SHISA9: variants seen among roughly 807,000 people sequenced by gnomAD.
The protein encoded by SHISA9 is protein shisa-9.
Under a neutral mutation model 38.0 loss-of-function variants are expected in SHISA9, and 13 were observed. The ratio of observed to expected loss-of-function variants is 0.34; its 90% CI spans 0.22 to 0.54. The LOEUF (loss-of-function observed/expected upper bound fraction) is 0.54, where lower values mean the gene tolerates loss of function less well. SHISA9 is among the 20% of genes least tolerant of loss of function. The pLI, the probability that SHISA9 is intolerant of heterozygous loss-of-function variation, is 0.91. For missense variants in SHISA9, 538 were observed against 575.8 expected (o/e 0.93, Z 0.67); for synonymous variants, 275 against 242.0 (o/e 1.14, Z -1.27).
the SHISA9 span, among the ~76,000 whole-genome samples, chr16:13,400,177 G>A: frequency 1.3e-5 from 2 of 152,214 alleles, no homozygotes; most frequent in Non-Finnish European, 1.5e-5. Flanking sequence ...ACAGTGGACA[G>A]GAAACTGGGG....
the SHISA9 span, among the ~76,000 whole-genome samples, chr16:13,317,983 T>A: frequency 1.5e-5 from 2 of 136,658 alleles, no homozygotes; most frequent in African/African-American, 5.9e-5. Context: ...TCCATAGTCA[T>A]CCTTCAAATG....
Position 13,100,999 on chromosome 16 carries a change from G to A in SHISA9, c.692-102395G>A, listed in dbSNP as rs189595648. On this transcript the variant is annotated intron_variant, in intron 2 of 4. Transcript: ENST00000558583. ...GCTTGAGCCACTGTGCTCACCCCGA[G>A]TTTGGCTATTTTAGATTCCATATCT... Among the ~76,000 whole-genome samples the A allele has an allele frequency of 4.6e-5, 7 of 152,330 alleles. No homozygotes were observed. The East Asian group carries it at 1.4e-3, about 29-fold the overall frequency.
Position 12,902,420 on chromosome 16 carries a change from C to T in SHISA9, c.356C>T (p.Thr119Ile). ...TFKKRRLNQS[T>I]CTNYDTPLWL... Reference sequence around the variant, plus strand: ...AAGAAGCGGCGACTGAACCAAAGCACCTGCACCAACTACGACACGCCGCTC... The same window carrying T: ...AAGAAGCGGCGACTGAACCAAAGCATCTGCACCAACTACGACACGCCGCTC... The change falls in exon 1 of 5, where the codon ACC (threonine) becomes ATC (isoleucine). Residue 119 changes from threonine to isoleucine, a missense_variant. Coordinates refer to ENST00000558583, the MANE Select transcript of SHISA9 (RefSeq NM_001145204.3). 3 of 1,551,282 alleles carry T rather than the reference C, an allele frequency of 1.9e-6. No individual in the cohort carries two copies. Among genetic ancestry groups the T allele is most frequent in the Non-Finnish European group, 2.6e-6 (3 of 1,146,984 alleles).
At chr16:13,386,694 TC>T in the SHISA9 span, among the ~76,000 whole-genome samples, 1 of 152,230 alleles carries the variant, frequency 6.6e-6, no homozygotes, top group Non-Finnish European at 1.5e-5. Flanking sequence ...ATGTTATGCT[TC>T]TATATCAGTC....
At chr16:13,286,521 C>T in the SHISA9 span, among the ~76,000 whole-genome samples, 60 of 152,014 alleles carry the variant, frequency 3.9e-4, no homozygotes, top group Non-Finnish European at 4.3e-4. Flanking sequence ...AACCAATTGT[C>T]TGGGCAAAAT....
the SHISA9 span, among the ~76,000 whole-genome samples, chr16:13,533,781 A>ATTTTT: frequency 2.3e-5 from 3 of 128,176 alleles, no homozygotes; most frequent in African/African-American, 6.0e-5. Flanking sequence ...ATAACTCTCA[A>ATTTTT]TTTTTTTTTT....
the SHISA9 span, among the ~76,000 whole-genome samples, chr16:13,425,012 C>G: frequency 6.6e-6 from 1 of 152,334 alleles, no homozygotes; most frequent in East Asian, 1.9e-4. Flanking sequence ...CCATGGAATA[C>G]TACACAGCCA....
the SHISA9 span, among the ~76,000 whole-genome samples, chr16:13,472,389 T>A: frequency 8.2e-6 from 1 of 121,288 alleles, no homozygotes; most frequent in African/African-American, 3.2e-5. Flanking sequence ...TTTTTTTTTT[T>A]TTTTTTTTTT....
intron 3 of SHISA9, among the ~76,000 whole-genome samples, chr16:13,210,978 G>A (rs1480615467): frequency 6.6e-6 from 1 of 152,134 alleles, no homozygotes; most frequent in Non-Finnish European, 1.5e-5. Context: ...GCTTACCAAG[G>A]TACTCATCAT....
chr16:13,457,542 G>C, the SHISA9 span, among the ~76,000 whole-genome samples: 11,803 of 151,782 alleles, frequency 0.078, 588 homozygotes, highest in South Asian at 0.19. Context: ...CCTAAGTTTT[G>C]AATGACTCCC....
At chr16:13,066,214 G>C (rs1314470595) in intron 2 of SHISA9, among the ~76,000 whole-genome samples, 1 of 152,214 alleles carries the variant, frequency 6.6e-6, no homozygotes, top group African/African-American at 2.4e-5. Flanking sequence ...CGTGACTACA[G>C]TGGAAATATC....
At chr16:13,476,299 T>C in the SHISA9 span, among the ~76,000 whole-genome samples, 1 of 152,180 alleles carries the variant, frequency 6.6e-6, no homozygotes, top group Admixed American at 6.5e-5. Flanking sequence ...TCATCCTGAT[T>C]GCTTCCTTAC....
the SHISA9 span, among the ~76,000 whole-genome samples, chr16:13,458,940 T>C: frequency 1.3e-5 from 2 of 152,176 alleles, no homozygotes; most frequent in Non-Finnish European, 1.5e-5. Flanking sequence ...TGATCTCGGC[T>C]CACTGCAACC....
intron 4 of SHISA9, among the ~76,000 whole-genome samples, chr16:13,231,178 T>C (rs1242474917): frequency 2.6e-5 from 4 of 152,198 alleles, no homozygotes; most frequent in Non-Finnish European, 5.9e-5. Context: ...GAGCATGAAG[T>C]CAACCATTGC....
intron 2 of SHISA9, among the ~76,000 whole-genome samples, chr16:13,027,927 C>CAA (rs201210384): frequency 0.016 from 458 of 28,750 alleles, 25 homozygotes; most frequent in Non-Finnish European, 0.018. Flanking sequence ...AGCTCTGTCT[C>CAA]AAAAACAAAA....
chr16:13,491,634 C>T, the SHISA9 span, among the ~76,000 whole-genome samples: 7 of 151,206 alleles, frequency 4.6e-5, no homozygotes, highest in African/African-American at 9.7e-5. Flanking sequence ...ATTACAGGTG[C>T]ACGCCAGCAG....
intron 2 of SHISA9, among the ~76,000 whole-genome samples, chr16:13,019,590 A>G (rs963940747): frequency 6.6e-6 from 1 of 151,950 alleles, no homozygotes; most frequent in Non-Finnish European, 1.5e-5. Context: ...TGCAACTGTC[A>G]CCACTCTTCA....
chr16:13,058,826 C>A (rs1383699386), intron 2 of SHISA9, among the ~76,000 whole-genome samples: 1 of 151,420 alleles, frequency 6.6e-6, no homozygotes, highest in Non-Finnish European at 1.5e-5. Context: ...AGCTAGGGAT[C>A]CAGGCAGGAC....
the SHISA9 span, among the ~76,000 whole-genome samples, chr16:13,482,444 C>A: frequency 2.6e-5 from 4 of 152,198 alleles, no homozygotes; most frequent in African/African-American, 4.8e-5. Context: ...TTTCTCATAA[C>A]AACAGTTATG....
Sources: allele counts gnomAD v4.1 joint callset (sites outside exome capture counted in the v4.1 genomes callset), GRCh38; gene constraint gnomAD v4.1.1; transcripts MANE v1.5; gene names NCBI Gene and HGNC (gene_info 2026-07-23, HGNC 2026-07-21).